ATP4B: variants seen among roughly 807,000 people sequenced by gnomAD.
The protein encoded by ATP4B is potassium-transporting ATPase subunit beta.
In ATP4B, 27 loss-of-function variants were observed where a neutral mutation model predicts 35.3. The ratio of observed to expected loss-of-function variants is 0.76; its 90% CI spans 0.56 to 1.05. The LOEUF (loss-of-function observed/expected upper bound fraction) is 1.05. ATP4B is among the 50% of genes least tolerant of loss of function. ATP4B has a pLI of 0.00. For synonymous variants in ATP4B, 162 were observed against 156.0 expected (o/e 1.04, Z -0.29); for missense variants, 375 against 384.8 (o/e 0.97, Z 0.21).
intron 1 of ATP4B, among the ~76,000 whole-genome samples, chr13:113,655,781 G>A (rs2049750120): frequency 6.6e-6 from 1 of 152,224 alleles, no homozygotes; most frequent in Admixed American, 6.5e-5. Context: ...CGCTGATGTG[G>A]CATGGATTCT....
chr13:113,650,905 C>A lies in ATP4B; in HGVS notation c.613-398G>T, dbSNP rs529402628. 1.8e-4 allele frequency among the ~76,000 whole-genome samples: 27 copies of A among 152,122 alleles called. 1 individual carries two copies. Among genetic ancestry groups the A allele is most frequent in the African/African-American group, 5.3e-4 (22 of 41,494 alleles). On this transcript the variant is annotated intron_variant, in intron 5 of 6. Transcript: ENST00000335288. The surrounding 1 kb of genome is among the most constrained non-coding windows in gnomAD (Gnocchi z 5.0). ...CGAATGCGTTTTTGTGAGATTGGGGCCCTCTCGTTTCAGAAGCAGAGGCTT... is the reference window on the plus strand; with the variant it reads ...CGAATGCGTTTTTGTGAGATTGGGGACCTCTCGTTTCAGAAGCAGAGGCTT...
rs753338204 is a variant in ATP4B at position 113,658,107 on chromosome 13, C to T, written c.38G>A (p.Arg13His). 33 of 1,612,674 alleles carry T rather than the reference C, an allele frequency of 2.0e-5. No individual in the cohort carries two copies. The highest frequency in any genetic ancestry group is 1.6e-4 in the Middle Eastern group (1 of 6,084). ...GCAGTAACGCTGGAACTCCTCCATG[C>T]GCTGGCCACACGTCTTCTTCTCCTG... ...ALQEKKTCGQ[R>H]MEEFQRYCWN... Residue 13 changes from arginine (R) to histidine (H), a missense_variant, in exon 1 of 7, where the codon CGC becomes CAC. Coordinates refer to ENST00000335288, the MANE Select transcript of ATP4B (RefSeq NM_000705.4).
In ATP4B at chr13:113,650,272, A is replaced by G; in HGVS notation, c.714+134T>C. The G allele has an allele frequency of 2.5e-6, 2 of 799,244 alleles. No homozygotes were observed. Among genetic ancestry groups the G allele is most frequent in the Non-Finnish European group, 4.2e-6 (2 of 475,260 alleles). The allele number at this position is 799,244 out of a possible 1,614,324, so 49.5% of individuals were successfully genotyped here. A position where few individuals can be genotyped will look rare whatever the true frequency, so the allele number is the denominator to read the frequency against. ...AACCTGGGCTTGGGAAACACGCAGA[A>G]CGTTCCAGTCAGGACCGGCTAAGTC... On this transcript the variant is annotated intron_variant, in intron 6 of 6. Coordinates refer to ENST00000335288, the MANE Select transcript of ATP4B (RefSeq NM_000705.4). This position sits in a 1 kb window ranked among gnomAD's most constrained non-coding sequence, Gnocchi z 5.0.
intron 3 of ATP4B, 93 bp from the exon 4 acceptor site, chr13:113,653,165 T>C: frequency 6.8e-7 from 1 of 1,472,854 alleles, no homozygotes; most frequent in East Asian, 2.3e-5. Flanking sequence ...AGTGCGAGTT[T>C]CTCATGAAAT....
chr13:113,655,124 C>T (rs1269417823), intron 1 of ATP4B, among the ~76,000 whole-genome samples, 182 bp from the exon 2 acceptor site: 1 of 152,178 alleles, frequency 6.6e-6, no homozygotes, highest in African/African-American at 2.4e-5. Flanking sequence ...CTCCCAGCGC[C>T]GCACCACCGG....
Position 113,654,720 on chromosome 13 carries a change from T to C in ATP4B, c.241+94A>G, listed in dbSNP as rs58561788. 1.8e-3 allele frequency: 2,682 copies of C among 1,492,744 alleles called. 38 individuals carry two copies. The African/African-American group carries it at 0.034, about 19-fold the overall frequency. The allele number at this position is 1,492,744 out of a possible 1,614,324, so 92.5% of individuals were successfully genotyped here. A position where few individuals can be genotyped will look rare whatever the true frequency, so the allele number is the denominator to read the frequency against. On this transcript the variant is annotated intron_variant, in intron 2 of 6. Coordinates refer to ENST00000335288, the MANE Select transcript of ATP4B (RefSeq NM_000705.4). ...GGCTGGCTTCCCTGGGCTTCATTTC[T>C]GGGGAGGGCACGGGTCCCCCGGGCG...
At chr13:113,658,002 T>A (rs1317688231) in intron 1 of ATP4B, 31 bp downstream of exon 1, 1 of 1,550,286 alleles carries the variant, frequency 6.5e-7, no homozygotes, top group African/African-American at 1.4e-5. Flanking sequence ...GCCCCCTCCA[T>A]GCACCCAGCC....
chr13:113,651,145 T>A (rs2049709094), intron 5 of ATP4B, among the ~76,000 whole-genome samples: 1 of 152,022 alleles, frequency 6.6e-6, no homozygotes, highest in African/African-American at 2.4e-5. Flanking sequence ...CTGTGAAACC[T>A]TTGCCTTTGG....
At chr13:113,657,071 C>T (rs572814554) in intron 1 of ATP4B, among the ~76,000 whole-genome samples, 28 of 152,346 alleles carry the variant, frequency 1.8e-4, no homozygotes, top group African/African-American at 3.1e-4. Flanking sequence ...GAGCCTCCAG[C>T]GGGGGCTGCA....
Position 113,652,749 on chromosome 13 carries a change from C to T in ATP4B, c.555+124G>A, listed in dbSNP as rs1392620038. On this transcript the variant is annotated intron_variant, in intron 4 of 6. Transcript: ENST00000335288. ...CAAACCAAGGTACAGGGTGGTGAGG[C>T]TGGAGTCCCTGTCCCGCTTGGGCAA... is the stretch of plus-strand genomic sequence containing the variant. 2.7e-6 allele frequency: 3 copies of T among 1,117,018 alleles called. No homozygotes were observed. The South Asian group carries it at 4.0e-5, about 15-fold the overall frequency. 69.2% of individuals were successfully genotyped at this position (1,117,018 alleles called of 1,614,324 possible). A position where few individuals can be genotyped will look rare whatever the true frequency, so the allele number is the denominator to read the frequency against.
chr13:113,655,640 A>G (rs1486003284), intron 1 of ATP4B, among the ~76,000 whole-genome samples: 1 of 152,136 alleles, frequency 6.6e-6, no homozygotes, highest in Non-Finnish European at 1.5e-5. Flanking sequence ...TCGTCTCTGT[A>G]AATTAGCTTG....
rs367873321 is a variant in ATP4B at position 113,652,036 on chromosome 13, G to A, written c.556-309C>T. On this transcript the variant is annotated intron_variant, in intron 4 of 6. Transcript: ENST00000335288. ...GTCTTAGCCCTCGAACCATGTCCAG[G>A]TCCGGTGGAGCACTGAGACAGAGCA... Among the ~76,000 whole-genome samples, 33 of 152,314 alleles carry A rather than the reference G, an allele frequency of 2.2e-4. 1 individual carries two copies. Among genetic ancestry groups the A allele is most frequent in the African/African-American group, 7.5e-4 (31 of 41,564 alleles).
chr13:113,654,908 C>T lies in ATP4B; in HGVS notation c.147G>A (p.Val49=). The T allele has an allele frequency of 6.2e-7, 1 of 1,614,218 alleles. No homozygotes were observed. The highest frequency in any genetic ancestry group is 1.7e-5 in the Admixed American group (1 of 60,032). Residue 49 remains valine, a synonymous_variant, in exon 2 of 7, where the codon GTG becomes GTA. Transcript: ENST00000335288. ...WISLYYVAFY[V]VMTGLFALCL... ...ACAGGGCGAAGAGCCCAGTCATCAC[C>T]ACGTAGAAGGCCACGTAGTACAGGC...
chr13:113,656,763 C>T (rs112288481), intron 1 of ATP4B, among the ~76,000 whole-genome samples: 34 of 152,314 alleles, frequency 2.2e-4, no homozygotes, highest in African/African-American at 7.0e-4. Context: ...CCATGTCTAC[C>T]GGCCAGGCAG....
chr13:113,650,345 T>G lies in ATP4B; in HGVS notation c.714+61A>C. On this transcript the variant is annotated intron_variant, in intron 6 of 6. Transcript: ENST00000335288. The surrounding 1 kb of genome is among the most constrained non-coding windows in gnomAD (Gnocchi z 5.0). ...CATGAAGGGGCTTATTGCTTTCCTTTCGCTAAGTGTGAGAGGACTCAGCAG... is the reference window on the plus strand; with the variant it reads ...CATGAAGGGGCTTATTGCTTTCCTTGCGCTAAGTGTGAGAGGACTCAGCAG... The G allele has an allele frequency of 3.3e-6, 5 of 1,499,436 alleles. No homozygotes were observed. The South Asian group carries it at 5.7e-5, about 17-fold the overall frequency. 92.9% of individuals were successfully genotyped at this position (1,499,436 alleles called of 1,614,324 possible).
chr13:113,654,508 C>T (rs1235862761), intron 2 of ATP4B, among the ~76,000 whole-genome samples: 1 of 152,256 alleles, frequency 6.6e-6, no homozygotes, highest in African/African-American at 2.4e-5. Flanking sequence ...GTCTCTATAA[C>T]AAAACCCTTC....
chr13:113,652,639 CAT>C lies in ATP4B; in HGVS notation c.555+232_555+233del, dbSNP rs757357847. ...AGAGACCCCTGTTCAAATGTTTCCA[CAT>C]GTTTTAGAGGGCCGGCTATGTGCTG... On this transcript the variant is annotated intron_variant, in intron 4 of 6. Transcript: ENST00000335288. 87 of 616,636 alleles carry C rather than the reference CAT, an allele frequency of 1.4e-4. No individual in the cohort carries two copies. In the East Asian group the frequency reaches 2.5e-3, roughly 18 times the overall value. 38.2% of individuals were successfully genotyped at this position (616,636 alleles called of 1,614,324 possible).
intron 2 of ATP4B, among the ~76,000 whole-genome samples, chr13:113,653,721 T>C (rs369940125): frequency 1.3e-5 from 2 of 152,226 alleles, no homozygotes; most frequent in African/African-American, 4.8e-5. Context: ...TGACAGGTGA[T>C]GACTAATCCA....
chr13:113,653,678 G>T (rs1431309148), intron 2 of ATP4B, among the ~76,000 whole-genome samples: 1 of 152,212 alleles, frequency 6.6e-6, no homozygotes, highest in Admixed American at 6.5e-5. Flanking sequence ...GGGGTGGGGG[G>T]TGGCTGGCTC....
Sources: gnomAD v4.1 joint callset for allele counts (sites outside exome capture counted in the v4.1 genomes callset) on GRCh38, gnomAD v4.1.1 for gene constraint, Gnocchi (gnomAD v3.1) non-coding constraint, MANE v1.5 for transcripts, NCBI Gene and HGNC (gene_info 2026-07-23, HGNC 2026-07-21) for gene names.